The following MLIP variants were observed in gnomAD, a reference collection of about 807,000 sequenced individuals.
The protein encoded by MLIP is muscular LMNA interacting protein.
In MLIP, 79 loss-of-function variants were observed where a neutral mutation model predicts 84.8. The observed-to-expected ratio is 0.93, with a 90% CI of 0.78 to 1.12. The LOEUF is 1.12. Ranked by LOEUF, MLIP falls within the 50% of genes most tolerant of loss-of-function variation. The pLI, the probability that MLIP is intolerant of heterozygous loss-of-function variation, is 0.00. For missense variants in MLIP, 1,257 were observed against 1,160.6 expected, an observed-to-expected ratio of 1.08 and a Z score of -1.21; for synonymous variants, 504 against 463.0, an observed-to-expected ratio of 1.09 and a Z score of -1.14.
At chr6:54,172,435 C>G (rs1301089011) in intron 9 of MLIP, among the ~76,000 whole-genome samples, 1 of 151,512 alleles carries the variant, frequency 6.6e-6, no homozygotes, top group Non-Finnish European at 1.5e-5. Flanking sequence ...AACACAATGA[C>G]AGTATGCCAA....
chr6:54,215,181 G>A lies in MLIP; in HGVS notation c.2718+12948G>A, dbSNP rs183111695. The A allele has an allele frequency of 1.6e-4, 249 of 1,535,450 alleles. No homozygotes were observed. The East Asian group carries it at 3.0e-3, about 19-fold the overall frequency. ...ACTCCTACTGCAACGGAAGTGACACGTCTGGTCCTTGGCTCCTCTGATCAT... is the reference window on the plus strand; with the variant it reads ...ACTCCTACTGCAACGGAAGTGACACATCTGGTCCTTGGCTCCTCTGATCAT... On this transcript the variant is annotated intron_variant, in intron 11 of 13. Coordinates refer to ENST00000502396, the MANE Select transcript of MLIP (RefSeq NM_001281747.2).
chr6:54,077,230 T>C (rs1207926872), intron 1 of MLIP, among the ~76,000 whole-genome samples: 6 of 152,184 alleles, frequency 3.9e-5, no homozygotes. Flanking sequence ...AAATGTCTAT[T>C]TAAAGCAAAG....
chr6:54,107,784 G>A (rs994782028), upstream of MLIP, among the ~76,000 whole-genome samples: 1 of 152,128 alleles, frequency 6.6e-6, no homozygotes, highest in African/African-American at 2.4e-5. Flanking sequence ...TGTCTTCAGA[G>A]CTTAGAATCG....
At chr6:54,039,274 T>G (rs904972655) in intron 1 of MLIP, among the ~76,000 whole-genome samples, 2 of 151,952 alleles carry the variant, frequency 1.3e-5, no homozygotes, top group African/African-American at 4.8e-5. Flanking sequence ...TGATGACATT[T>G]TATGAACTTT....
chr6:54,121,829 T>C (rs1318224780), intron 2 of MLIP, among the ~76,000 whole-genome samples: 1 of 152,200 alleles, frequency 6.6e-6, no homozygotes. Flanking sequence ...TTGTTTGCTA[T>C]TGACATGACA....
chr6:54,128,207 G>A (rs1771086883), intron 3 of MLIP, among the ~76,000 whole-genome samples: 1 of 152,136 alleles, frequency 6.6e-6, no homozygotes, highest in Non-Finnish European at 1.5e-5. Context: ...AGTTTGAGAT[G>A]CCTTGGTGGC....
intron 4 of MLIP, among the ~76,000 whole-genome samples, chr6:54,138,921 A>C (rs541230227): frequency 6.6e-6 from 1 of 152,288 alleles, no homozygotes; most frequent in South Asian, 2.1e-4. Flanking sequence ...AGGGGTGGTG[A>C]TTTTCAGCTC....
Position 54,121,357 on chromosome 6 carries a change from T to G in MLIP, c.97-90T>G, listed in dbSNP as rs962679513. The G allele has an allele frequency of 7.3e-6, 10 of 1,371,908 alleles. No individual in the cohort carries two copies. The African/African-American group carries it at 1.2e-4, about 16-fold the overall frequency. 85.0% of individuals were successfully genotyped at this position (1,371,908 alleles called of 1,614,324 possible). On this transcript the variant is annotated intron_variant, in intron 1 of 13. Transcript: ENST00000502396. Reference sequence around the variant, plus strand: ...CAGGACAATAGGCAATTCATCAAAATAAATGAGATAAATATCATGTCATAT... The same window carrying G: ...CAGGACAATAGGCAATTCATCAAAAGAAATGAGATAAATATCATGTCATAT...
At chr6:54,234,888 T>G (rs188834356) in intron 12 of MLIP, among the ~76,000 whole-genome samples, 178 of 152,304 alleles carry the variant, frequency 1.2e-3, no homozygotes, top group African/African-American at 4.1e-3. Context: ...ATTTACCCAC[T>G]CACAGGCCTT....
At chr6:54,245,907 G>T (rs576612033) in intron 12 of MLIP, among the ~76,000 whole-genome samples, 1 of 152,080 alleles carries the variant, frequency 6.6e-6, no homozygotes, top group Admixed American at 6.6e-5. Flanking sequence ...ATTTTTCTAT[G>T]TTGCTTTATC....
chr6:54,204,535 A>G (rs1200951262), intron 11 of MLIP, among the ~76,000 whole-genome samples: 3 of 152,212 alleles, frequency 2.0e-5, no homozygotes, highest in Non-Finnish European at 2.9e-5. Context: ...ATGCTGGAAG[A>G]TAATAACTTT....
intron 4 of MLIP, among the ~76,000 whole-genome samples, chr6:54,148,745 T>A (rs1363917260): frequency 6.6e-6 from 1 of 152,148 alleles, no homozygotes; most frequent in Non-Finnish European, 1.5e-5. Context: ...GTACTCCCAT[T>A]AGGGAATGCT....
intron 1 of MLIP, among the ~76,000 whole-genome samples, chr6:54,080,694 A>C (rs1050860790): frequency 6.7e-6 from 1 of 148,386 alleles, no homozygotes; most frequent in African/African-American, 2.4e-5. Context: ...AAAATACATA[A>C]ATTTAATATA....
intron 10 of MLIP, among the ~76,000 whole-genome samples, chr6:54,190,147 A>G (rs1289219332): frequency 6.6e-6 from 1 of 152,198 alleles, no homozygotes; most frequent in Non-Finnish European, 1.5e-5. Flanking sequence ...ATCCAAGTAG[A>G]GGCATTAGAA....
At chr6:54,046,131 G>A (rs541850938) in intron 1 of MLIP, 1 of 152,184 alleles carries the variant, frequency 6.6e-6, no homozygotes, top group African/African-American at 2.4e-5. Context: ...ATTTCCCTGA[G>A]TTCCAGTGTC....
At chr6:54,072,005 T>G (rs1488514028) in intron 1 of MLIP, among the ~76,000 whole-genome samples, 1 of 152,180 alleles carries the variant, frequency 6.6e-6, no homozygotes, top group Non-Finnish European at 1.5e-5. Context: ...AGTTTTCCCT[T>G]TGATCATTTC....
chr6:54,114,270 C>A lies in MLIP; in HGVS notation c.96+2695C>A, dbSNP rs76421850. On this transcript the variant is annotated intron_variant, in intron 1 of 13. Transcript: ENST00000502396. ...GTTTTAAATATCATCTATGGGTTAA[C>A]AACCCTAGTAATTTTATCCCCAGCA... Among the ~76,000 whole-genome samples the A allele has an allele frequency of 6.3e-3, 964 of 152,288 alleles. 7 individuals are homozygous for A. Among genetic ancestry groups the A allele is most frequent in the Middle Eastern group, 0.02 (6 of 294 alleles).
intron 11 of MLIP, chr6:54,215,345 C>A: frequency 7.6e-7 from 1 of 1,321,002 alleles, no homozygotes; most frequent in Non-Finnish European, 9.6e-7. Context: ...CCTTACTGAA[C>A]TTCAATTTTA....
At chr6:54,154,858 A>G (rs1773851791) in intron 5 of MLIP, among the ~76,000 whole-genome samples, 1 of 152,174 alleles carries the variant, frequency 6.6e-6, no homozygotes, top group African/African-American at 2.4e-5. Flanking sequence ...TCCTTGAGCT[A>G]CTGAAAGAGA....
Sources: gnomAD v4.1 joint callset for allele counts (sites outside exome capture counted in the v4.1 genomes callset) on GRCh38, gnomAD v4.1.1 for gene constraint, MANE v1.5 for transcripts, NCBI Gene and HGNC (gene_info 2026-07-23, HGNC 2026-07-21) for gene names.